UROS: variants seen among roughly 807,000 people sequenced by gnomAD.
UROS encodes the protein uroporphyrinogen-III synthase.
In UROS, 18 loss-of-function variants were observed where a neutral mutation model predicts 33.0. That is an observed-to-expected ratio of 0.55 (90% CI 0.38 to 0.81). The LOEUF (loss-of-function observed/expected upper bound fraction) is 0.81. UROS is among the 30% of genes least tolerant of loss of function. The pLI, the probability that UROS is intolerant of heterozygous loss-of-function variation, is 0.00. For missense variants in UROS, 293 were observed against 314.9 expected, an observed-to-expected ratio of 0.93 and a Z score of 0.53; for synonymous variants, 114 against 121.1, an observed-to-expected ratio of 0.94 and a Z score of 0.38.
In UROS at chr10:125,795,925, G is replaced by T. The variant is rs372962075; in HGVS notation, c.561+178C>A. On this transcript the variant is annotated intron_variant, in intron 8 of 9. Coordinates refer to ENST00000368797, the MANE Select transcript of UROS (RefSeq NM_000375.3). ...CATTTCATGAAACAACCACAAAATT[G>T]TTTCCATTCCTAATTCTAGAATCCC... Among the ~76,000 whole-genome samples, 8 of 152,240 alleles carry T rather than the reference G, an allele frequency of 5.3e-5. No individual in the cohort carries two copies. The East Asian group carries it at 1.4e-3, about 26-fold the overall frequency.
chr10:125,815,275 T>A, intron 3 of UROS, 145 bp from the exon 4 acceptor site: 1 of 874,024 alleles, frequency 1.1e-6, no homozygotes, highest in South Asian at 1.4e-5. Context: ...ACTTACTGAG[T>A]GCTTACTATG....
At chr10:125,793,516 CT>C (rs1262553532) in intron 9 of UROS, 2 of 152,158 alleles carry the variant, frequency 1.3e-5, no homozygotes, top group African/African-American at 2.4e-5. Context: ...TTTATGGGTC[CT>C]ATCTCTTTAA....
At chr10:125,803,170 A>C in intron 6 of UROS, 1 of 1,156,662 alleles carries the variant, frequency 8.6e-7, no homozygotes, top group South Asian at 1.5e-5. Context: ...TTCCTTATGG[A>C]CAAGTTTTCC....
At chr10:125,811,258 G>GATATACAGT (rs1852785280) in intron 5 of UROS, among the ~76,000 whole-genome samples, 1 of 152,244 alleles carries the variant, frequency 6.6e-6, no homozygotes, top group Admixed American at 6.5e-5. Flanking sequence ...CTGTATATTT[G>GATATACAGT]ATAGTTGAGT....
intron 1 of UROS, among the ~76,000 whole-genome samples, chr10:125,821,683 T>C (rs1251602306): frequency 6.6e-6 from 1 of 152,250 alleles, no homozygotes; most frequent in East Asian, 1.9e-4. Context: ...TTGGCTATGG[T>C]ATCTCAGTGC....
chr10:125,788,852 GC>G lies in UROS; in HGVS notation c.*15del. 6.4e-7 allele frequency: 1 copy of G among 1,572,420 alleles called. No individual in the cohort carries two copies. The highest frequency in any genetic ancestry group is 8.6e-7 in the Non-Finnish European group (1 of 1,160,652). The stretch of plus-strand genomic sequence containing the variant: ...AGCCCAGGGAGGCTGCATGGGGCCA[GC>G]GCTAGGTGGCTGACTCAGCAGCAGC... On this transcript the variant is annotated 3_prime_UTR_variant, in exon 10 of 10. Transcript: ENST00000368797.
At chr10:125,822,913 G>A (rs985129683) in intron 1 of UROS, 116 bp downstream of exon 1, 1 of 152,250 alleles carries the variant, frequency 6.6e-6, no homozygotes, top group Non-Finnish European at 1.5e-5. Flanking sequence ...GGCAGGCCCA[G>A]GTCCGCGGAA....
At chr10:125,819,535 C>T (rs1489186865) in intron 1 of UROS, among the ~76,000 whole-genome samples, 2 of 152,142 alleles carry the variant, frequency 1.3e-5, no homozygotes, top group African/African-American at 4.8e-5. Context: ...CTCCTGCTTA[C>T]TAAACAACCC....
At chr10:125,795,065 A>C in intron 8 of UROS, 87 bp from the exon 9 acceptor site, 1 of 1,311,272 alleles carries the variant, frequency 7.6e-7, no homozygotes, top group Non-Finnish European at 1.1e-6. Context: ...TCAAGACCTC[A>C]AGCCACAGGC....
intron 4 of UROS, among the ~76,000 whole-genome samples, chr10:125,814,026 G>A (rs763211997): frequency 1.6e-4 from 24 of 152,298 alleles, no homozygotes; most frequent in Non-Finnish European, 2.8e-4. Context: ...CATTGTGGGG[G>A]CCTGGAAAGT....
chr10:125,816,626 T>C, intron 1 of UROS, 101 bp from the exon 2 acceptor site: 1 of 1,163,310 alleles, frequency 8.6e-7, no homozygotes, highest in Admixed American at 1.9e-5. Context: ...ATCAAATGCT[T>C]GTGGAAGAGA....
At chr10:125,816,724 T>A (rs1853361870) in intron 1 of UROS, 199 bp from the exon 2 acceptor site, 3 of 607,054 alleles carry the variant, frequency 4.9e-6, no homozygotes, top group Non-Finnish European at 5.8e-6. Flanking sequence ...AAGAGCATGT[T>A]AGCAGTTGAT....
At chr10:125,804,533 C>T (rs1004434542) in intron 6 of UROS, among the ~76,000 whole-genome samples, 3 of 152,142 alleles carry the variant, frequency 2.0e-5, no homozygotes, top group Non-Finnish European at 4.4e-5. Context: ...GACTTGTAGC[C>T]AACTTGGACA....
chr10:125,799,403 G>C (rs1851626172), intron 6 of UROS, among the ~76,000 whole-genome samples: 1 of 152,170 alleles, frequency 6.6e-6, no homozygotes, highest in African/African-American at 2.4e-5. Context: ...GTGTGTCTAT[G>C]TGTGTGTTGG....
intron 6 of UROS, 25 bp downstream of exon 6, chr10:125,807,387 AT>A: frequency 6.2e-7 from 1 of 1,604,690 alleles, no homozygotes; most frequent in Non-Finnish European, 8.5e-7. Context: ...AAATGGCTTC[AT>A]TTGGAGTGAT....
chr10:125,795,052 G>T, intron 8 of UROS, 74 bp from the exon 9 acceptor site: 29 of 1,429,380 alleles, frequency 2.0e-5, no homozygotes, highest in Non-Finnish European at 2.9e-5. Flanking sequence ...GGCTTCATCC[G>T]CATCAAGACC....
chr10:125,797,957 C>A, intron 7 of UROS, 108 bp downstream of exon 7: 1 of 1,338,520 alleles, frequency 7.5e-7, no homozygotes, highest in Non-Finnish European at 1.1e-6. Context: ...TCCAACCCAG[C>A]CCTGCTCTCC....
chr10:125,818,308 C>A lies in UROS; in HGVS notation c.-26-1783G>T, dbSNP rs371031543. Among the ~76,000 whole-genome samples, 20 of 152,102 alleles carry A rather than the reference C, an allele frequency of 1.3e-4. No homozygotes were observed. The East Asian group carries it at 2.5e-3, about 19-fold the overall frequency. ...GATCAGCCTGGACAACATAGCGAGA[C>A]CCCATTTCTACAAAAATTTTAAAAG... On this transcript the variant is annotated intron_variant, in intron 1 of 9. Transcript: ENST00000368797.
rs116053235 is a variant in UROS, at chr10:125,820,768, G to T, written c.-27+2261C>A. Among the ~76,000 whole-genome samples, 235 of 152,298 alleles carry T rather than the reference G, an allele frequency of 1.5e-3. 1 individual carries two copies. Among genetic ancestry groups the T allele is most frequent in the African/African-American group, 5.5e-3 (228 of 41,566 alleles). On this transcript the variant is annotated intron_variant, in intron 1 of 9. Transcript: ENST00000368797. Reference sequence around the variant, plus strand: ...CACAGCACAGTAAGTGGGAGAGATGGAATTTGGATCCTGGTCTGAAGCCCA... The same window carrying T: ...CACAGCACAGTAAGTGGGAGAGATGTAATTTGGATCCTGGTCTGAAGCCCA...
Sources: gnomAD v4.1 joint callset for allele counts (sites outside exome capture counted in the v4.1 genomes callset) on GRCh38, gnomAD v4.1.1 for gene constraint, MANE v1.5 for transcripts, NCBI Gene and HGNC (gene_info 2026-07-23, HGNC 2026-07-21) for gene names.